GYS2: variants seen among roughly 807,000 people sequenced by gnomAD.
GYS2 encodes glycogen synthase 2, also known as glycogen [starch] synthase, liver.
Under a neutral mutation model 85.6 loss-of-function variants are expected in GYS2, and 80 were observed. The observed-to-expected ratio is 0.93, with a 90% CI of 0.78 to 1.13. GYS2 has a LOEUF of 1.13. GYS2 is among the 50% of genes most tolerant of loss of function. GYS2 has a pLI of 0.00. For missense variants in GYS2, 881 were observed against 854.9 expected (o/e 1.03, Z -0.38); for synonymous variants, 328 against 300.7 (o/e 1.09, Z -0.94).
chr12:21,586,651 A>G (rs368900128), intron 1 of GYS2, among the ~76,000 whole-genome samples: 1 of 152,170 alleles, frequency 6.6e-6, no homozygotes, highest in Non-Finnish European at 1.5e-5. Flanking sequence ...CAGAATGGCT[A>G]TCATTATAAA....
intron 1 of GYS2, 127 bp from the exon 2 acceptor site, chr12:21,580,650 C>T: frequency 1.3e-6 from 1 of 756,572 alleles, no homozygotes. Flanking sequence ...GATTTATTTA[C>T]CTTTCAAAAA....
intron 1 of GYS2, among the ~76,000 whole-genome samples, chr12:21,592,554 A>C (rs1344512801): frequency 6.6e-6 from 1 of 152,138 alleles, no homozygotes; most frequent in Non-Finnish European, 1.5e-5. Context: ...AAGTCATTAC[A>C]TAATGATAAA....
intron 1 of GYS2, among the ~76,000 whole-genome samples, chr12:21,587,623 A>T (rs1456857517): frequency 1.3e-5 from 2 of 152,124 alleles, no homozygotes; most frequent in Non-Finnish European, 2.9e-5. Flanking sequence ...CTGTGAGACA[A>T]TTAAACGTTT....
At chr12:21,546,237 G>A in intron 12 of GYS2, 107 bp downstream of exon 12, 3 of 847,022 alleles carry the variant, frequency 3.5e-6, no homozygotes, top group South Asian at 3.9e-5. Flanking sequence ...CTGAAGAATT[G>A]AAATCTTATT....
At chr12:21,589,366 T>A (rs75482762) in intron 1 of GYS2, among the ~76,000 whole-genome samples, 1,873 of 152,318 alleles carry the variant, frequency 0.012, 17 homozygotes, top group Middle Eastern at 0.024. Flanking sequence ...GTCCCCCATA[T>A]AGCCTTAGAG....
chr12:21,536,941 GCA>G lies in GYS2; in HGVS notation c.*11_*12del. The G allele has an allele frequency of 6.5e-7, 1 of 1,535,736 alleles. No individual in the cohort carries two copies. The highest frequency in any genetic ancestry group is 9.0e-7 in the Non-Finnish European group (1 of 1,108,774). On this transcript the variant is annotated 3_prime_UTR_variant, in exon 16 of 16. Coordinates refer to ENST00000261195, the MANE Select transcript of GYS2 (RefSeq NM_021957.4). Reference sequence around the variant, plus strand: ...CTTTTTTAAATTAGCTCTTCATGCAGCACATGTAGAATTCAGTTCTTATATTC... The same window carrying G: ...CTTTTTTAAATTAGCTCTTCATGCAGCATGTAGAATTCAGTTCTTATATTC...
intron 1 of GYS2, among the ~76,000 whole-genome samples, chr12:21,582,602 T>G (rs1169266015): frequency 3.6e-5 from 2 of 55,168 alleles, no homozygotes; most frequent in African/African-American, 8.0e-5. Context: ...GAGATAGATA[T>G]AGATATAGAT....
chr12:21,581,854 C>T (rs978298383), intron 1 of GYS2, among the ~76,000 whole-genome samples: 1 of 152,072 alleles, frequency 6.6e-6, no homozygotes, highest in African/African-American at 2.4e-5. Context: ...TCAATTAGCT[C>T]ATGTGTCAAA....
chr12:21,541,290 A>AG (rs1465209424), intron 13 of GYS2, among the ~76,000 whole-genome samples: 3 of 135,994 alleles, frequency 2.2e-5, no homozygotes, highest in Non-Finnish European at 3.2e-5. Context: ...AAAAAAAAAA[A>AG]ACAAAAAACC....
At position 21,575,332 on chromosome 12, in the gene GYS2, T is replaced by C. The variant is rs577872473; in HGVS notation, c.495+534A>G. Among the ~76,000 whole-genome samples the C allele has an allele frequency of 3.9e-5, 6 of 152,304 alleles. No individual in the cohort carries two copies. In the South Asian group the frequency reaches 1.0e-3, roughly 26 times the overall value. Reference sequence around the variant, plus strand: ...CTTACAAAGAGACAACTTATTTTGTTTGCCCTTACAAAATATTAACATTCA... The same window carrying C: ...CTTACAAAGAGACAACTTATTTTGTCTGCCCTTACAAAATATTAACATTCA... On this transcript the variant is annotated intron_variant, in intron 3 of 15. Coordinates refer to ENST00000261195, the MANE Select transcript of GYS2 (RefSeq NM_021957.4).
downstream of GYS2, among the ~76,000 whole-genome samples, chr12:21,534,619 GA>G (rs1413423687): frequency 1.5e-4 from 22 of 151,424 alleles, no homozygotes; most frequent in Middle Eastern, 3.4e-3. Flanking sequence ...AGGTAAGAAA[GA>G]AAAAAAGAGA....
At chr12:21,589,074 TA>T (rs1944605371) in intron 1 of GYS2, among the ~76,000 whole-genome samples, 1 of 152,252 alleles carries the variant, frequency 6.6e-6, no homozygotes, top group Non-Finnish European at 1.5e-5. Context: ...GGTACACATT[TA>T]TTAGATGTTT....
At chr12:21,549,361 A>C (rs1483779209) in intron 11 of GYS2, among the ~76,000 whole-genome samples, 7 of 152,226 alleles carry the variant, frequency 4.6e-5, no homozygotes, top group Non-Finnish European at 8.8e-5. Flanking sequence ...ATATTTTCAG[A>C]ACCATTCATA....
chr12:21,537,303 CT>C, intron 15 of GYS2, 128 bp from the exon 16 acceptor site: 1 of 720,390 alleles, frequency 1.4e-6, no homozygotes, highest in Middle Eastern at 3.2e-4. Context: ...TGCTATTAAA[CT>C]TTGATTCATT....
At chr12:21,587,217 G>A (rs1025709138) in intron 1 of GYS2, among the ~76,000 whole-genome samples, 1 of 152,166 alleles carries the variant, frequency 6.6e-6, no homozygotes, top group Non-Finnish European at 1.5e-5. Context: ...GGTGAGGACT[G>A]AAAAACTACG....
chr12:21,564,100 G>A (rs530320696), intron 5 of GYS2, among the ~76,000 whole-genome samples: 48 of 152,206 alleles, frequency 3.2e-4, no homozygotes, highest in Admixed American at 9.2e-4. Flanking sequence ...GCATATGACG[G>A]AAACTACCTA....
rs754990236 is a variant in GYS2, at chr12:21,604,629, G to T, written c.-37C>A. ...TCCTCCGAGACTCCTTTGAATTCCT[G>T]TTTCAATTAGTTGTAATCCCAGGAG... On this transcript the variant is annotated 5_prime_UTR_variant, in exon 1 of 16. Coordinates refer to ENST00000261195, the MANE Select transcript of GYS2 (RefSeq NM_021957.4). The T allele has an allele frequency of 6.2e-7, 1 of 1,610,594 alleles. No homozygotes were observed. The highest frequency in any genetic ancestry group is 8.5e-7 in the Non-Finnish European group (1 of 1,177,638).
rs567074099 is a variant in GYS2, at chr12:21,584,364, T to A, written c.122-3841A>T. Among the ~76,000 whole-genome samples, 5 of 115,066 alleles carry A rather than the reference T, an allele frequency of 4.3e-5. No homozygotes were observed. The East Asian group carries it at 1.0e-3, about 24-fold the overall frequency. The allele number at this position is 115,066 out of a possible 152,430, so 75.5% of individuals were successfully genotyped here. ...GTCAAAAACTACAAAGATATTTTCA[T>A]CCCATGTGAGTGCTCACCAATGGGT... On this transcript the variant is annotated intron_variant, in intron 1 of 15. Coordinates refer to ENST00000261195, the MANE Select transcript of GYS2 (RefSeq NM_021957.4).
At position 21,542,489 on chromosome 12, in the gene GYS2, C is replaced by A. The variant is rs199505368; in HGVS notation, c.1645+7G>T. 4.3e-5 allele frequency: 69 copies of A among 1,591,064 alleles called. No individual in the cohort carries two copies. In the East Asian group the frequency reaches 1.3e-3, roughly 29 times the overall value. On this transcript the variant is annotated splice_region_variant and intron_variant, in intron 13 of 15. Transcript: ENST00000261195. The stretch of plus-strand genomic sequence containing the variant: ...CCCCAGCATGGGTTAATGATGAAAA[C>A]CCTCACCGTAAGCAGTAGGATCAGC...
Sources: allele counts gnomAD v4.1 joint callset (sites outside exome capture counted in the v4.1 genomes callset), GRCh38; gene constraint gnomAD v4.1.1; transcripts MANE v1.5; gene names NCBI Gene and HGNC (gene_info 2026-07-23, HGNC 2026-07-21).